The following OSBPL1A variants were observed in gnomAD, a reference collection of about 807,000 sequenced individuals.
OSBPL1A encodes the protein oxysterol-binding protein-related protein 1.
Under a neutral mutation model 137.1 loss-of-function variants are expected in OSBPL1A, and 80 were observed. That is an observed-to-expected ratio of 0.58 (90% CI 0.49 to 0.70). The LOEUF (loss-of-function observed/expected upper bound fraction) is 0.70. Ranked by LOEUF, OSBPL1A falls within the 30% of genes least tolerant of loss-of-function variation. OSBPL1A has a pLI of 0.00. For synonymous variants in OSBPL1A, 365 were observed against 389.7 expected (o/e 0.94, Z 0.75); for missense variants, 970 against 1,129.4 (o/e 0.86, Z 2.02).
At chr18:24,347,454 G>C (rs1019280558) in intron 4 of OSBPL1A, among the ~76,000 whole-genome samples, 3 of 152,136 alleles carry the variant, frequency 2.0e-5, no homozygotes, top group Admixed American at 2.0e-4. Context: ...CAAAGTGCTG[G>C]AACTACAGGC....
intron 16 of OSBPL1A, among the ~76,000 whole-genome samples, chr18:24,236,576 C>G (rs1216577953): frequency 6.6e-6 from 1 of 152,180 alleles, no homozygotes; most frequent in Non-Finnish European, 1.5e-5. Context: ...ATAGGAGTAG[C>G]CACAGAAGGG....
Position 24,225,103 on chromosome 18 carries a change from T to C in OSBPL1A, c.1540A>G (p.Met514Val). Residue 514 changes from methionine (M) to valine (V), a missense_variant, in exon 17 of 28, where the codon ATG becomes GTG. Transcript: ENST00000319481. The stretch of plus-strand genomic sequence containing the variant: ...CCACCACAGTCTTTTTCTTCGGACA[T>C]TCTGTGTTTTCTACTGCCCAAATGC... Reference protein sequence around the residue: ...GEHLGSRKHRMSEEKDCGGGD... With the variant: ...GEHLGSRKHRVSEEKDCGGGD... 1 of 1,614,174 alleles carries C rather than the reference T, an allele frequency of 6.2e-7. No individual in the cohort carries two copies. Among genetic ancestry groups the C allele is most frequent in the Non-Finnish European group, 8.5e-7 (1 of 1,180,008 alleles).
At chr18:24,278,569 T>A (rs1422061526) in intron 15 of OSBPL1A, among the ~76,000 whole-genome samples, 1 of 152,192 alleles carries the variant, frequency 6.6e-6, no homozygotes, top group East Asian at 1.9e-4. Flanking sequence ...AATTAGGTTA[T>A]TTTTTAAGCA....
chr18:24,271,619 T>C lies in OSBPL1A; in HGVS notation c.1281+9223A>G. 3 of 985,844 alleles carry C rather than the reference T, an allele frequency of 3.0e-6. No homozygotes were observed. Among genetic ancestry groups the C allele is most frequent in the South Asian group, 9.4e-5 (2 of 21,300 alleles). 61.1% of individuals were successfully genotyped at this position (985,844 alleles called of 1,614,324 possible). A position where few individuals can be genotyped will look rare whatever the true frequency, so the allele number is the denominator to read the frequency against. ...CCACCGAGCTGCAAATACACCCACC[T>C]ACCTGGGCCAGATCCGAGGACCCCG... On this transcript the variant is annotated intron_variant, in intron 15 of 27. Coordinates refer to ENST00000319481, the MANE Select transcript of OSBPL1A (RefSeq NM_080597.4). The surrounding 1 kb of genome is among the most constrained non-coding windows in gnomAD (Gnocchi z 4.0).
chr18:24,252,819 C>T (rs1341019519), intron 15 of OSBPL1A, among the ~76,000 whole-genome samples: 4 of 151,506 alleles, frequency 2.6e-5, no homozygotes, highest in East Asian at 3.9e-4. Context: ...GGTAAAAAGC[C>T]GGGAGAATGA....
intron 17 of OSBPL1A, among the ~76,000 whole-genome samples, chr18:24,198,068 G>A (rs1253577144): frequency 4.6e-5 from 7 of 152,090 alleles, no homozygotes; most frequent in Admixed American, 2.0e-4. Context: ...GATTACAGGC[G>A]TGAGCTACCG....
At chr18:24,370,360 G>A (rs1905526864) in intron 2 of OSBPL1A, among the ~76,000 whole-genome samples, 1 of 152,106 alleles carries the variant, frequency 6.6e-6, no homozygotes, top group African/African-American at 2.4e-5. Flanking sequence ...GCCTCCCAGT[G>A]GCCTGCCCCT....
intron 1 of OSBPL1A, among the ~76,000 whole-genome samples, chr18:24,378,837 C>G (rs965397301): frequency 1.3e-5 from 2 of 152,120 alleles, no homozygotes; most frequent in Non-Finnish European, 2.9e-5. Flanking sequence ...AAGAGAGACA[C>G]CAGGAGGTCC....
intron 15 of OSBPL1A, among the ~76,000 whole-genome samples, chr18:24,275,706 A>C (rs1341432447): frequency 7.3e-5 from 11 of 150,842 alleles, no homozygotes; most frequent in Admixed American, 7.2e-4. Context: ...TTTCCATTAT[A>C]CCACAAAATT....
intron 16 of OSBPL1A, among the ~76,000 whole-genome samples, chr18:24,225,541 T>C (rs1003578036): frequency 1.3e-5 from 2 of 152,226 alleles, no homozygotes; most frequent in Non-Finnish European, 2.9e-5. Flanking sequence ...GCATCTTAAG[T>C]ATAACTTCCA....
At chr18:24,380,002 G>A (rs944373168) in intron 1 of OSBPL1A, among the ~76,000 whole-genome samples, 4 of 152,244 alleles carry the variant, frequency 2.6e-5, no homozygotes, top group South Asian at 2.1e-4. Flanking sequence ...TAGAACTTTG[G>A]TAACAAAAGA....
At chr18:24,367,750 T>TTAAATTGATTAAATTG (rs1293614262) in intron 3 of OSBPL1A, 2 of 152,236 alleles carry the variant, frequency 1.3e-5, no homozygotes, top group South Asian at 4.1e-4. Flanking sequence ...TTTCCTCCTT[T>TTAAATTGATTAAATTG]ATCAATTTAA....
intron 18 of OSBPL1A, among the ~76,000 whole-genome samples, chr18:24,193,485 C>T (rs1288882312): frequency 1.5e-5 from 2 of 130,076 alleles, no homozygotes; most frequent in Admixed American, 7.3e-5. Flanking sequence ...GAGACTCCGA[C>T]TCAAAAAAAA....
In OSBPL1A at chr18:24,252,089, A is replaced by G. The variant is rs1029492416; in HGVS notation, c.1282-12707T>C. 2.6e-5 allele frequency among the ~76,000 whole-genome samples: 4 copies of G among 152,336 alleles called. No individual in the cohort carries two copies. The East Asian group carries it at 7.7e-4, about 29-fold the overall frequency. On this transcript the variant is annotated intron_variant, in intron 15 of 27. Transcript: ENST00000319481. The stretch of plus-strand genomic sequence containing the variant: ...CTACAAGATCTAGGAAACAGCCTCA[A>G]AAGGGAAAATCTCAGTGTTACTGGC...
intron 1 of OSBPL1A, among the ~76,000 whole-genome samples, chr18:24,385,244 G>GCACC (rs1374180893): frequency 6.6e-6 from 1 of 152,026 alleles, no homozygotes; most frequent in Non-Finnish European, 1.5e-5. Context: ...ATGAGCCACC[G>GCACC]CACCCGGCCT....
At chr18:24,280,706 T>A (rs1027173360) in intron 15 of OSBPL1A, 136 bp downstream of exon 15, 20 of 485,018 alleles carry the variant, frequency 4.1e-5, no homozygotes, top group Admixed American at 8.4e-5. Context: ...TCTAAATTTT[T>A]GTGACAAATG....
chr18:24,193,529 C>T (rs929453161), intron 18 of OSBPL1A, among the ~76,000 whole-genome samples: 2 of 151,646 alleles, frequency 1.3e-5, no homozygotes, highest in African/African-American at 4.8e-5. Context: ...ATTTCTCTCT[C>T]AAGACTCCTC....
At chr18:24,371,441 T>A (rs9941439) in intron 2 of OSBPL1A, among the ~76,000 whole-genome samples, 28,052 of 152,058 alleles carry the variant, frequency 0.18, 3,479 homozygotes, top group East Asian at 0.55. Context: ...CCCACCTATA[T>A]CTACAGGCAC....
At chr18:24,278,011 T>C (rs2089882674) in intron 15 of OSBPL1A, among the ~76,000 whole-genome samples, 1 of 152,226 alleles carries the variant, frequency 6.6e-6, no homozygotes, top group Non-Finnish European at 1.5e-5. Flanking sequence ...TTCATCTACA[T>C]ATAGTTGATG....
Sources: allele counts gnomAD v4.1 joint callset (sites outside exome capture counted in the v4.1 genomes callset), GRCh38; gene constraint gnomAD v4.1.1; non-coding constraint Gnocchi (gnomAD v3.1); transcripts MANE v1.5; gene names NCBI Gene and HGNC (gene_info 2026-07-23, HGNC 2026-07-21).